The following PKD2L1 variants were observed in gnomAD, a reference collection of about 807,000 sequenced individuals.
PKD2L1 encodes polycystin-2-like protein 1.
PKD2L1 carries 77 observed loss-of-function variants against 93.0 expected under a neutral mutation model. The observed-to-expected ratio is 0.83, with a 90% CI of 0.69 to 1.00. The LOEUF (loss-of-function observed/expected upper bound fraction) is 1.00. Among genes scored for constraint, PKD2L1 ranks in the 50% least tolerant of loss-of-function variants. The pLI is 0.00. For missense variants in PKD2L1, 977 were observed against 990.9 expected (o/e 0.99, Z 0.19); for synonymous variants, 390 against 388.0 (o/e 1.01, Z -0.06).
intron 8 of PKD2L1, 79 bp from the exon 9 acceptor site, chr10:100,294,734 T>A: frequency 6.3e-7 from 1 of 1,576,176 alleles, no homozygotes; most frequent in Non-Finnish European, 8.7e-7. Flanking sequence ...GAGAGACCCC[T>A]CACCACACGT....
intron 2 of PKD2L1, among the ~76,000 whole-genome samples, chr10:100,321,904 C>CAAGCAAGGAAGG (rs1273641302): frequency 0.072 from 682 of 9,472 alleles, 156 homozygotes; most frequent in Middle Eastern, 0.33. Context: ...GGGAAGGAAG[C>CAAGCAAGGAAGG]AAGGAAGGAA....
Position 100,293,328 on chromosome 10 carries a change from G to A in PKD2L1, c.1711C>T (p.Leu571=), listed in dbSNP as rs1848447809. ...TGCAGCTCATCCTTCTGTCCAGCCA[G>A]CTCCTCCTTGACCTCTGAATATGTG... is the stretch of plus-strand genomic sequence containing the variant. The part of the protein sequence containing the change: ...NDTYSEVKEE[L]AGQKDELQLS... Residue 571 remains leucine, a synonymous_variant, in exon 10 of 16, where the codon CTG becomes TTG. Coordinates refer to ENST00000318222, the MANE Select transcript of PKD2L1 (RefSeq NM_016112.3). 2 of 1,613,748 alleles carry A rather than the reference G, an allele frequency of 1.2e-6. No individual in the cohort carries two copies. Among genetic ancestry groups the A allele is most frequent in the East Asian group, 2.2e-5 (1 of 44,880 alleles).
At chr10:100,306,213 T>A (rs1156604932) in intron 2 of PKD2L1, among the ~76,000 whole-genome samples, 2 of 152,120 alleles carry the variant, frequency 1.3e-5, no homozygotes, top group Non-Finnish European at 2.9e-5. Flanking sequence ...TCTAATAAGT[T>A]CCAAAGTGAT....
At position 100,329,299 on chromosome 10, in the gene PKD2L1, C is replaced by T; in HGVS notation, c.261G>A (p.Glu87=). The T allele has an allele frequency of 6.2e-7, 1 of 1,614,194 alleles. No homozygotes were observed. The highest frequency in any genetic ancestry group is 2.2e-5 in the East Asian group (1 of 44,888). ...IRGLWGTTLT[E]NTAENRELYI... is the part of the protein sequence containing the mutation. ...AAAGTTCCCGGTTCTCAGCTGTGTT[C>T]TCAGTCAGGGTTGTTCCCCAAAGTC... Residue 87 remains glutamate, a synonymous_variant, in exon 2 of 16, where the codon GAG becomes GAA. Transcript: ENST00000318222.
chr10:100,329,220 T>G lies in PKD2L1; in HGVS notation c.340A>C (p.Ile114Leu), dbSNP rs1239145497. 1 of 1,614,002 alleles carries G rather than the reference T, an allele frequency of 6.2e-7. No homozygotes were observed. Among genetic ancestry groups the G allele is most frequent in the Non-Finnish European group, 8.5e-7 (1 of 1,179,964 alleles). The change falls in exon 2 of 16, where the codon ATC becomes CTC. Residue 114 changes from isoleucine (I) to leucine (L), a missense_variant. Ile to Leu is a conservative substitution (Grantham distance 5). Coordinates refer to ENST00000318222, the MANE Select transcript of PKD2L1 (RefSeq NM_016112.3). ...LLVYIVFLVD[I>L]CLLTYGMTSS... is the part of the protein sequence containing the mutation. Reference sequence around the variant, plus strand: ...CACAGATGCTACTCACGTAGACAGATGTCCACCAGGAACACAATATATACC... The same window carrying G: ...CACAGATGCTACTCACGTAGACAGAGGTCCACCAGGAACACAATATATACC...
rs912848631 is a variant in PKD2L1 at position 100,294,857 on chromosome 10, C to T, written c.1538+85G>A. Reference sequence around the variant, plus strand: ...TTGAACACAGACATGCAGACACGCACGTACCCATCTTCCCCAAGGATACAT... The same window carrying T: ...TTGAACACAGACATGCAGACACGCATGTACCCATCTTCCCCAAGGATACAT... On this transcript the variant is annotated intron_variant, in intron 8 of 15. Transcript: ENST00000318222. The T allele has an allele frequency of 1.3e-5, 18 of 1,350,008 alleles. 1 individual carries two copies. The highest frequency in any genetic ancestry group is 6.5e-5 in the South Asian group (5 of 77,240). The allele number at this position is 1,350,008 out of a possible 1,614,324, so 83.6% of individuals were successfully genotyped here. A position where few individuals can be genotyped will look rare whatever the true frequency, so the allele number is the denominator to read the frequency against.
rs149259814 is a variant in PKD2L1 at position 100,311,477 on chromosome 10, T to C, written c.350-11759A>G. On this transcript the variant is annotated intron_variant, in intron 2 of 15. Transcript: ENST00000318222. The stretch of plus-strand genomic sequence containing the variant: ...TCATTAACGTCATGAGCTTGGGTAA[T>C]AACCAAATTTTATCCACTCCTATGT... 4.5e-3 allele frequency among the ~76,000 whole-genome samples: 687 copies of C among 152,320 alleles called. 7 individuals carry two copies. Among genetic ancestry groups the C allele is most frequent in the Non-Finnish European group, 7.5e-3 (513 of 68,032 alleles).
chr10:100,315,355 C>T (rs1349914535), intron 2 of PKD2L1, among the ~76,000 whole-genome samples: 1 of 152,030 alleles, frequency 6.6e-6, no homozygotes, highest in Non-Finnish European at 1.5e-5. Flanking sequence ...GTTTGCTGCA[C>T]CTATCGACTC....
chr10:100,293,049 T>C lies in PKD2L1; in HGVS notation c.1779A>G (p.Leu593=), dbSNP rs1246542324. ...CCCTCTCCTTCCTCAGACGCAGTCT[T>C]AGTAGGGTCTTGTTGTAGCCCTGAA... ...LLKQGYNKTL[L]RLRLRKERVS... Residue 593 remains leucine (L), a synonymous_variant, in exon 11 of 16, where the codon CTA becomes CTG. Coordinates refer to ENST00000318222, the MANE Select transcript of PKD2L1 (RefSeq NM_016112.3). 1.9e-6 allele frequency: 3 copies of C among 1,614,080 alleles called. No homozygotes were observed. The South Asian group carries it at 3.3e-5, about 18-fold the overall frequency.
chr10:100,328,591 C>CTTTT (rs10685467), intron 2 of PKD2L1, among the ~76,000 whole-genome samples: 3 of 147,162 alleles, frequency 2.0e-5, no homozygotes, highest in African/African-American at 5.0e-5. Flanking sequence ...GTTTTCCACT[C>CTTTT]TTTTTTTTTT....
chr10:100,317,715 G>T (rs1225736826), intron 2 of PKD2L1, among the ~76,000 whole-genome samples: 1 of 152,014 alleles, frequency 6.6e-6, no homozygotes. Flanking sequence ...AATATGTTTC[G>T]GGGTAAGAGA....
At chr10:100,320,448 T>C (rs537644520) in intron 2 of PKD2L1, among the ~76,000 whole-genome samples, 40 of 152,226 alleles carry the variant, frequency 2.6e-4, no homozygotes, top group Non-Finnish European at 5.4e-4. Context: ...GCTTGTCCCC[T>C]GCCAAATTGC....
chr10:100,315,291 G>A (rs1216254273), intron 2 of PKD2L1, among the ~76,000 whole-genome samples: 3 of 151,924 alleles, frequency 2.0e-5, no homozygotes, highest in Admixed American at 1.3e-4. Flanking sequence ...CTATCAACCC[G>A]TCATCTAGGT....
chr10:100,330,074 C>A lies in PKD2L1; in HGVS notation c.30G>T (p.Gln10His). Reference sequence around the variant, plus strand: ...CTCCACTCCCCAGCTTTTGCAGCTCCTGCCCCTCAGGACTTCCCACAGCAT... The same window carrying A: ...CTCCACTCCCCAGCTTTTGCAGCTCATGCCCCTCAGGACTTCCCACAGCAT... MNAVGSPEGQELQKLGSGAW... is the reference protein window; with the variant it reads MNAVGSPEGHELQKLGSGAW... Residue 10 changes from glutamine (Q) to histidine (H), a missense_variant, in exon 1 of 16, where the codon CAG becomes CAT. Gln to His is a conservative substitution (Grantham distance 24). Transcript: ENST00000318222. 2 of 1,600,496 alleles carry A rather than the reference C, an allele frequency of 1.2e-6. No homozygotes were observed. Among genetic ancestry groups the A allele is most frequent in the Non-Finnish European group, 1.7e-6 (2 of 1,171,792 alleles).
chr10:100,297,740 G>A (rs991235924), intron 4 of PKD2L1, 134 bp from the exon 5 acceptor site: 38 of 449,006 alleles, frequency 8.5e-5, no homozygotes, highest in Non-Finnish European at 1.3e-4. Context: ...GTGTGTGTGT[G>A]TGTGTATGAG....
At chr10:100,321,244 T>C (rs1260624) in intron 2 of PKD2L1, among the ~76,000 whole-genome samples, 24,879 of 151,718 alleles carry the variant, frequency 0.16, 2,355 homozygotes, top group South Asian at 0.38. Context: ...TGGATCACAA[T>C]GTCAGGAGTT....
chr10:100,297,648 C>G (rs1347415095), intron 4 of PKD2L1, 42 bp from the exon 5 acceptor site: 1 of 1,461,346 alleles, frequency 6.8e-7, no homozygotes, highest in African/African-American at 1.4e-5. Context: ...AAAAGTTCAT[C>G]TCCCAAGGCA....
intron 13 of PKD2L1, 31 bp downstream of exon 13, chr10:100,290,370 C>G (rs781340913): frequency 6.8e-7 from 1 of 1,470,822 alleles, no homozygotes; most frequent in Non-Finnish European, 9.5e-7. Context: ...GTGTTGCCAG[C>G]CCTGAACCAG....
intron 12 of PKD2L1, among the ~76,000 whole-genome samples, chr10:100,290,837 C>T (rs1848390565): frequency 6.6e-6 from 1 of 152,160 alleles, no homozygotes; most frequent in Admixed American, 6.5e-5. Flanking sequence ...TGTCACCCTG[C>T]CTTTGACTTT....
Sources: allele counts gnomAD v4.1 joint callset (sites outside exome capture counted in the v4.1 genomes callset), GRCh38; gene constraint gnomAD v4.1.1; transcripts MANE v1.5; gene names NCBI Gene and HGNC (gene_info 2026-07-23, HGNC 2026-07-21).